ANO4: variants seen among roughly 807,000 people sequenced by gnomAD.
ANO4 encodes the protein anoctamin-4.
Under a neutral mutation model 141.9 loss-of-function variants are expected in ANO4, and 69 were observed. That is an observed-to-expected ratio of 0.49 (90% CI 0.40 to 0.59). The LOEUF (loss-of-function observed/expected upper bound fraction) is 0.59. ANO4 is among the 20% of genes least tolerant of loss of function. The pLI, the probability that ANO4 is intolerant of heterozygous loss-of-function variation, is 0.00. For missense variants in ANO4, 894 were observed against 1,162.2 expected, an observed-to-expected ratio of 0.77 and a Z score of 3.36; for synonymous variants, 350 against 394.3, an observed-to-expected ratio of 0.89 and a Z score of 1.33.
chr12:100,729,460 A>G (rs1565841950), intron 1 of ANO4, among the ~76,000 whole-genome samples: 1 of 151,394 alleles, frequency 6.6e-6, no homozygotes, highest in African/African-American at 2.4e-5. Context: ...GTATTAAATA[A>G]TTGAATGCTC....
intron 2 of ANO4, among the ~76,000 whole-genome samples, chr12:100,921,415 G>T (rs1173782986): frequency 6.6e-6 from 1 of 152,060 alleles, no homozygotes; most frequent in African/African-American, 2.4e-5. Context: ...GGAAGCTAGG[G>T]CATGTTCCAT....
chr12:100,845,799 A>G (rs1262289275), intron 1 of ANO4, among the ~76,000 whole-genome samples: 8 of 152,240 alleles, frequency 5.3e-5, no homozygotes, highest in Non-Finnish European at 7.3e-5. Context: ...TATAGCATTT[A>G]CTTTACCAGT....
At chr12:101,116,829 G>A (rs762700193) in intron 25 of ANO4, 31 bp downstream of exon 25, 12 of 1,613,594 alleles carry the variant, frequency 7.4e-6, no homozygotes, top group Non-Finnish European at 1.0e-5. Context: ...GGCTCTGCCT[G>A]AGCTGGGCTG....
At chr12:100,779,278 A>G (rs1593315985) in intron 3 of ANO4, among the ~76,000 whole-genome samples, 1 of 152,174 alleles carries the variant, frequency 6.6e-6, no homozygotes, top group African/African-American at 2.4e-5. Flanking sequence ...TTTAGTGACA[A>G]CCTGAAGCTC....
chr12:100,950,017 C>G (rs1053856554), intron 5 of ANO4, among the ~76,000 whole-genome samples: 3 of 152,198 alleles, frequency 2.0e-5, no homozygotes, highest in Middle Eastern at 6.8e-3. Flanking sequence ...CCCAAATTAC[C>G]CTAATTTCAT....
intron 1 of ANO4, among the ~76,000 whole-genome samples, chr12:100,858,452 T>C (rs2038298168): frequency 6.6e-6 from 1 of 152,134 alleles, no homozygotes; most frequent in African/African-American, 2.4e-5. Flanking sequence ...TCATACCAAA[T>C]AGAGAAGATT....
At chr12:100,785,324 A>C (rs770896180) in intron 3 of ANO4, among the ~76,000 whole-genome samples, 5 of 152,302 alleles carry the variant, frequency 3.3e-5, no homozygotes, top group Middle Eastern at 3.4e-3. Flanking sequence ...CAAATTTATA[A>C]AGACATGCAT....
intron 3 of ANO4, among the ~76,000 whole-genome samples, chr12:100,763,254 C>T (rs2135531406): frequency 6.6e-6 from 1 of 152,250 alleles, no homozygotes. Flanking sequence ...GGGTCTGTAC[C>T]CACTGAACAG....
chr12:100,957,958 T>G (rs1274554211), intron 5 of ANO4, among the ~76,000 whole-genome samples: 1 of 152,208 alleles, frequency 6.6e-6, no homozygotes, highest in Non-Finnish European at 1.5e-5. Context: ...TCTGCCCACT[T>G]CAGCCTCCCA....
intron 3 of ANO4, among the ~76,000 whole-genome samples, chr12:100,756,774 C>T (rs2032632265): frequency 6.6e-6 from 1 of 152,156 alleles, no homozygotes; most frequent in South Asian, 2.1e-4. Flanking sequence ...TCTTCTTTTC[C>T]TTGCCTAATC....
chr12:100,822,837 C>T (rs1565907296), intron 1 of ANO4, among the ~76,000 whole-genome samples: 1 of 151,882 alleles, frequency 6.6e-6, no homozygotes, highest in East Asian at 1.9e-4. Flanking sequence ...TTTGTGGTAA[C>T]TTTAGGATTC....
chr12:100,929,371 T>C (rs536394212), intron 3 of ANO4, among the ~76,000 whole-genome samples: 1 of 152,282 alleles, frequency 6.6e-6, no homozygotes, highest in East Asian at 1.9e-4. Flanking sequence ...ATGCAAAGTT[T>C]GTCTTTCTGT....
intron 3 of ANO4, among the ~76,000 whole-genome samples, chr12:100,775,029 GA>G (rs1325544537): frequency 1.3e-5 from 2 of 152,190 alleles, no homozygotes; most frequent in African/African-American, 4.8e-5. Flanking sequence ...TTGAGGCAAA[GA>G]GAGAATTGTA....
At chr12:100,757,327 C>T (rs182742778) in intron 3 of ANO4, among the ~76,000 whole-genome samples, 4 of 152,216 alleles carry the variant, frequency 2.6e-5, no homozygotes, top group East Asian at 1.9e-4. Context: ...ATATGGCTGT[C>T]GACTTAATCT....
chr12:100,897,516 C>T (rs2040404617), intron 1 of ANO4, among the ~76,000 whole-genome samples: 1 of 152,222 alleles, frequency 6.6e-6, no homozygotes, highest in African/African-American at 2.4e-5. Context: ...GGGGCATCAT[C>T]GCCCCACACC....
At position 100,854,230 on chromosome 12, in the gene ANO4, G is replaced by A. The variant is rs548792700; in HGVS notation, c.-140-47416G>A. Among the ~76,000 whole-genome samples, 6 of 152,120 alleles carry A rather than the reference G, an allele frequency of 3.9e-5. 1 individual carries two copies. Among genetic ancestry groups the A allele is most frequent in the South Asian group, 4.2e-4 (2 of 4,816 alleles). On this transcript the variant is annotated intron_variant, in intron 1 of 27. Transcript: ENST00000392977. ...TGTCCTTAGGAGATATTTTTTCATC[G>A]CTTTCTGTCATCTTCTGTAGCTGAT...
chr12:100,904,425 A>G (rs1049405695), intron 2 of ANO4, among the ~76,000 whole-genome samples: 13 of 152,260 alleles, frequency 8.5e-5, no homozygotes, highest in Non-Finnish European at 1.6e-4. Flanking sequence ...AGAGGGTAGC[A>G]TGTTGCAATA....
intron 5 of ANO4, among the ~76,000 whole-genome samples, chr12:100,959,400 T>C (rs1375052036): frequency 6.6e-6 from 1 of 152,108 alleles, no homozygotes; most frequent in Non-Finnish European, 1.5e-5. Flanking sequence ...AGATGAAAAA[T>C]CTCTTGACCC....
chr12:100,768,006 C>G (rs948917863), intron 3 of ANO4, among the ~76,000 whole-genome samples: 4 of 152,096 alleles, frequency 2.6e-5, no homozygotes, highest in Non-Finnish European at 5.9e-5. Context: ...GTCAGCCTGT[C>G]TCTGTGGGTG....
Sources: allele counts gnomAD v4.1 joint callset (sites outside exome capture counted in the v4.1 genomes callset), GRCh38; gene constraint gnomAD v4.1.1; transcripts MANE v1.5; gene names NCBI Gene and HGNC (gene_info 2026-07-23, HGNC 2026-07-21).